SORL1: variants seen among roughly 807,000 people sequenced by gnomAD.
The protein encoded by SORL1 is sortilin-related receptor.
In SORL1, 127 loss-of-function variants were observed where a neutral mutation model predicts 273.7. The observed-to-expected ratio is 0.46, with a 90% CI of 0.40 to 0.54. SORL1 has a LOEUF of 0.54. Among genes scored for constraint, SORL1 ranks in the 20% least tolerant of loss-of-function variants. The pLI is 0.00. For missense variants in SORL1, 2,494 were observed against 2,846.1 expected (o/e 0.88, Z 2.81); for synonymous variants, 1,031 against 1,067.4 (o/e 0.97, Z 0.66).
chr11:121,516,392 T>G (rs1200174771), intron 8 of SORL1, among the ~76,000 whole-genome samples: 1 of 152,182 alleles, frequency 6.6e-6, no homozygotes, highest in East Asian at 1.9e-4. Flanking sequence ...CTGCTACTGC[T>G]TCACCCGAGC....
At chr11:121,577,123 T>A in intron 24 of SORL1, 158 bp from the exon 25 acceptor site, 2 of 1,135,970 alleles carry the variant, frequency 1.8e-6, no homozygotes, top group Non-Finnish European at 2.5e-6. Flanking sequence ...AGCTGTTAAA[T>A]GACCTTTTGT....
intron 21 of SORL1, among the ~76,000 whole-genome samples, chr11:121,561,059 C>T (rs937804407): frequency 2.6e-5 from 4 of 152,236 alleles, no homozygotes; most frequent in African/African-American, 7.2e-5. Flanking sequence ...CCCTACTGAT[C>T]TGACTTGCTA....
At chr11:121,618,686 A>T in intron 41 of SORL1, 88 bp from the exon 42 acceptor site, 1 of 1,490,346 alleles carries the variant, frequency 6.7e-7, no homozygotes, top group Non-Finnish European at 9.2e-7. Context: ...CTTTTGAAGC[A>T]GTTCCAGGGT....
In SORL1 at chr11:121,595,530, A is replaced by C; in HGVS notation, c.4370-93A>C. 2.6e-6 allele frequency: 3 copies of C among 1,150,802 alleles called. No individual in the cohort carries two copies. Among genetic ancestry groups the C allele is most frequent in the Non-Finnish European group, 3.7e-6 (3 of 803,996 alleles). 71.3% of individuals were successfully genotyped at this position (1,150,802 alleles called of 1,614,324 possible). ...CTTCAGGTTCCCATTGTAATTTCTA[A>C]AGCACCGTAATCTCCTAGCATATTG... On this transcript the variant is annotated intron_variant, in intron 31 of 47. Coordinates refer to ENST00000260197, the MANE Select transcript of SORL1 (RefSeq NM_003105.6). The surrounding 1 kb of genome is among the most constrained non-coding windows in gnomAD (Gnocchi z 5.1).
chr11:121,595,918 AG>A lies in SORL1; in HGVS notation c.4519+147del, dbSNP rs1421407083. 1.2e-6 allele frequency: 1 copy of A among 847,224 alleles called. No homozygotes were observed. The highest frequency in any genetic ancestry group is 3.2e-5 in the Admixed American group (1 of 31,550). The allele number at this position is 847,224 out of a possible 1,614,324, so 52.5% of individuals were successfully genotyped here. On this transcript the variant is annotated intron_variant, in intron 32 of 47. Transcript: ENST00000260197. This position sits in a 1 kb window ranked among gnomAD's most constrained non-coding sequence, Gnocchi z 5.1. ...CCATGCTCTTACTGCATTCTCCACA[AG>A]CGCTTTGCCACGTGCACCCATACCA...
intron 3 of SORL1, among the ~76,000 whole-genome samples, chr11:121,487,817 C>T (rs1478876035): frequency 2.0e-5 from 3 of 152,202 alleles, no homozygotes; most frequent in Non-Finnish European, 4.4e-5. Flanking sequence ...TCCAGGCCTC[C>T]TTTCGCTGAG....
chr11:121,478,934 ACGTGCGTGTGTGGGTACCTG>A (rs1191002731), intron 3 of SORL1, among the ~76,000 whole-genome samples: 5 of 144,430 alleles, frequency 3.5e-5, no homozygotes, highest in African/African-American at 7.8e-5. Context: ...ATTGGTACCC[ACGTGCGTGTGTGGGTACCTG>A]CGTGCGTGCG....
At chr11:121,453,653 C>T (rs1358042213) in intron 1 of SORL1, among the ~76,000 whole-genome samples, 2 of 152,224 alleles carry the variant, frequency 1.3e-5, no homozygotes, top group Non-Finnish European at 2.9e-5. Flanking sequence ...ACTAATTTCA[C>T]TTTAGCCATT....
Position 121,619,832 on chromosome 11 carries a change from C to A in SORL1, c.5804C>A (p.Pro1935His). 6.2e-7 allele frequency: 1 copy of A among 1,613,824 alleles called. No individual in the cohort carries two copies. Among genetic ancestry groups the A allele is most frequent in the Non-Finnish European group, 8.5e-7 (1 of 1,179,692 alleles). ...VKMIPDSRLP[P>H]RHLHVVHTGK... is the part of the protein sequence containing the mutation. Reference sequence around the variant, plus strand: ...ATGATCCCGGACAGCAGGCTTCCACCCCGTCACCTGCATGTGGTTCATACG... The same window carrying A: ...ATGATCCCGGACAGCAGGCTTCCACACCGTCACCTGCATGTGGTTCATACG... Residue 1935 changes from proline to histidine, a missense_variant, in exon 43 of 48, where the codon CCC becomes CAC. Coordinates refer to ENST00000260197, the MANE Select transcript of SORL1 (RefSeq NM_003105.6).
At chr11:121,549,831 C>T in intron 14 of SORL1, 129 bp from the exon 15 acceptor site, 4 of 633,410 alleles carry the variant, frequency 6.3e-6, no homozygotes, top group Non-Finnish European at 7.4e-6. Context: ...AGTAAATATT[C>T]TTTAAAGGGA....
intron 41 of SORL1, among the ~76,000 whole-genome samples, chr11:121,616,011 G>T (rs1194916211): frequency 6.6e-6 from 1 of 152,182 alleles, no homozygotes; most frequent in East Asian, 1.9e-4. Context: ...CTGCTCTTTT[G>T]TGTGTCCCAG....
At chr11:121,512,308 G>A (rs772932949) in intron 6 of SORL1, among the ~76,000 whole-genome samples, 6 of 152,204 alleles carry the variant, frequency 3.9e-5, no homozygotes, top group Non-Finnish European at 8.8e-5. Flanking sequence ...CATTTTCTCA[G>A]TTGGTAGAGC....
chr11:121,505,677 T>A (rs1170534894), intron 6 of SORL1, among the ~76,000 whole-genome samples: 1 of 152,196 alleles, frequency 6.6e-6, no homozygotes, highest in African/African-American at 2.4e-5. Context: ...TTTCTAATGA[T>A]TCTTGTGATT....
At chr11:121,532,428 A>G (rs1281775721) in intron 11 of SORL1, 36 bp from the exon 12 acceptor site, 1 of 1,593,142 alleles carries the variant, frequency 6.3e-7, no homozygotes, top group Admixed American at 1.7e-5. Flanking sequence ...AATTACCTCC[A>G]CAGCAGTGGT....
At chr11:121,531,083 A>G (rs1020814023) in intron 11 of SORL1, among the ~76,000 whole-genome samples, 1 of 151,988 alleles carries the variant, frequency 6.6e-6, no homozygotes, top group African/African-American at 2.4e-5. Context: ...CTCATGGGAC[A>G]TGGTTATAAT....
At chr11:121,614,781 A>ATT in intron 40 of SORL1, 90 bp from the exon 41 acceptor site, 2 of 995,390 alleles carry the variant, frequency 2.0e-6, no homozygotes, top group Non-Finnish European at 3.1e-6. Context: ...AGAGATTACT[A>ATT]TTTTTTTTTA....
At position 121,563,127 on chromosome 11, in the gene SORL1, A is replaced by G. The variant is rs967254200; in HGVS notation, c.3049+3470A>G. Among the ~76,000 whole-genome samples, 2 of 152,176 alleles carry G rather than the reference A, an allele frequency of 1.3e-5. No individual in the cohort carries two copies. Among genetic ancestry groups the G allele is most frequent in the South Asian group, 4.1e-4 (2 of 4,826 alleles). ...AGGTGAGAATATGAAAGTCTGGTTTAGTAACTTGTGTAGGTCACACTTTTA... is the reference window on the plus strand; with the variant it reads ...AGGTGAGAATATGAAAGTCTGGTTTGGTAACTTGTGTAGGTCACACTTTTA... On this transcript the variant is annotated intron_variant, in intron 21 of 47. Coordinates refer to ENST00000260197, the MANE Select transcript of SORL1 (RefSeq NM_003105.6). This position sits in a 1 kb window ranked among gnomAD's most constrained non-coding sequence, Gnocchi z 4.2.
At chr11:121,589,444 C>T in intron 29 of SORL1, 54 bp downstream of exon 29, 1 of 1,602,168 alleles carries the variant, frequency 6.2e-7, no homozygotes, top group Non-Finnish European at 8.5e-7. Context: ...AACAGTGATG[C>T]CTGCAGTTAC....
chr11:121,588,359 T>A (rs1417207967), intron 28 of SORL1, among the ~76,000 whole-genome samples: 1 of 152,210 alleles, frequency 6.6e-6, no homozygotes, highest in Non-Finnish European at 1.5e-5. Flanking sequence ...GACTTTCTTT[T>A]GTTGCTTAAG....
Sources: gnomAD v4.1 joint callset for allele counts (sites outside exome capture counted in the v4.1 genomes callset) on GRCh38, gnomAD v4.1.1 for gene constraint, Gnocchi (gnomAD v3.1) non-coding constraint, MANE v1.5 for transcripts, NCBI Gene and HGNC (gene_info 2026-07-23, HGNC 2026-07-21) for gene names.